GALNT18: variants seen among roughly 807,000 people sequenced by gnomAD.
GALNT18 encodes polypeptide N-acetylgalactosaminyltransferase 18.
GALNT18 carries 44 observed loss-of-function variants against 69.5 expected under a neutral mutation model. The observed-to-expected ratio is 0.63, with a 90% CI of 0.50 to 0.81. The LOEUF (loss-of-function observed/expected upper bound fraction) is 0.81, where lower values mean the gene tolerates loss of function less well. Among genes scored for constraint, GALNT18 ranks in the 40% least tolerant of loss-of-function variants. The pLI is 0.00. For missense variants in GALNT18, 715 were observed against 810.0 expected, an observed-to-expected ratio of 0.88 and a Z score of 1.42; for synonymous variants, 364 against 318.2, an observed-to-expected ratio of 1.14 and a Z score of -1.53.
In GALNT18 at chr11:11,477,521, C is replaced by T. The variant is rs1017184659; in HGVS notation, c.236-28585G>A. On this transcript the variant is annotated intron_variant, in intron 1 of 10. Coordinates refer to ENST00000227756, the MANE Select transcript of GALNT18 (RefSeq NM_198516.3). ...CTCCTGCCCTCCACACCTTTCCTCT[C>T]CCTCCTCCTTTCTAGAATGGTGAGA... Among the ~76,000 whole-genome samples, 4 of 152,208 alleles carry T rather than the reference C, an allele frequency of 2.6e-5. No homozygotes were observed. The East Asian group carries it at 7.7e-4, about 29-fold the overall frequency.
At chr11:11,414,138 CCTAGACAATTATCAT>C in intron 3 of GALNT18, among the ~76,000 whole-genome samples, 1 of 152,312 alleles carries the variant, frequency 6.6e-6, no homozygotes, top group Non-Finnish European at 1.5e-5. Context: ...GCCATTACAG[CCTAGACAATTATCAT>C]GTCTTGCCTG....
At chr11:11,379,319 G>A in intron 3 of GALNT18, 55 bp from the exon 4 acceptor site, 1 of 1,519,316 alleles carries the variant, frequency 6.6e-7, no homozygotes, top group Non-Finnish European at 9.0e-7. Context: ...AGGCAGAGGG[G>A]GCAATCACAA....
chr11:11,517,045 T>A (rs1188898114), intron 1 of GALNT18, among the ~76,000 whole-genome samples: 1 of 152,194 alleles, frequency 6.6e-6, no homozygotes, highest in Non-Finnish European at 1.5e-5. Context: ...GAGAGCTCTC[T>A]TGTCCCTTCA....
chr11:11,531,612 C>A (rs1425462001), intron 1 of GALNT18, among the ~76,000 whole-genome samples: 1 of 152,156 alleles, frequency 6.6e-6, no homozygotes, highest in African/African-American at 2.4e-5. Flanking sequence ...ATTTCTTCCC[C>A]TCCTGCAGTG....
At chr11:11,453,517 T>A (rs960554796) in intron 1 of GALNT18, among the ~76,000 whole-genome samples, 2 of 152,222 alleles carry the variant, frequency 1.3e-5, no homozygotes, top group East Asian at 1.9e-4. Flanking sequence ...TCCAGCCCTC[T>A]CCCCAGTTTT....
rs1222163304 is a variant in GALNT18, at chr11:11,590,467, C to T, written c.235+30892G>A. On this transcript the variant is annotated intron_variant, in intron 1 of 10. Transcript: ENST00000227756. This position sits in a 1 kb window ranked among gnomAD's most constrained non-coding sequence, Gnocchi z 4.4. ...GTTTGGAAGTTGACATTAAAATTAA[C>T]TTTCCTTACTCTACCTATATTAGGC... Among the ~76,000 whole-genome samples the T allele has an allele frequency of 1.3e-5, 2 of 152,208 alleles. No individual in the cohort carries two copies. Among genetic ancestry groups the T allele is most frequent in the South Asian group, 2.1e-4 (1 of 4,826 alleles).
chr11:11,376,154 G>A (rs1025147892), intron 5 of GALNT18, among the ~76,000 whole-genome samples: 10 of 152,020 alleles, frequency 6.6e-5, no homozygotes, highest in African/African-American at 1.9e-4. Context: ...AGGCCGAGGC[G>A]GGTAGATCAC....
chr11:11,612,012 A>C (rs1333435458), intron 1 of GALNT18, among the ~76,000 whole-genome samples: 1 of 152,156 alleles, frequency 6.6e-6, no homozygotes, highest in Non-Finnish European at 1.5e-5. Flanking sequence ...ACCATGTTTG[A>C]TAAGATGATC....
chr11:11,434,315 G>T (rs1321095862), intron 2 of GALNT18, among the ~76,000 whole-genome samples: 1 of 152,150 alleles, frequency 6.6e-6, no homozygotes, highest in Non-Finnish European at 1.5e-5. Context: ...CAAGTTAATA[G>T]ATTGGTGTAG....
intron 9 of GALNT18, among the ~76,000 whole-genome samples, chr11:11,322,039 T>C (rs923481928): frequency 3.9e-5 from 6 of 152,160 alleles, no homozygotes; most frequent in African/African-American, 1.4e-4. Flanking sequence ...TAAAGTGGAG[T>C]AATAATGGTA....
chr11:11,437,734 G>T (rs1855435586), intron 2 of GALNT18, among the ~76,000 whole-genome samples: 1 of 125,080 alleles, frequency 8.0e-6, no homozygotes, highest in Admixed American at 9.9e-5. Flanking sequence ...AGAGTGAATT[G>T]TTCATAGAAG....
At position 11,320,303 on chromosome 11, in the gene GALNT18, G is replaced by C. The variant is rs1849821876; in HGVS notation, c.1512+6783C>G. On this transcript the variant is annotated intron_variant, in intron 9 of 10. Coordinates refer to ENST00000227756, the MANE Select transcript of GALNT18 (RefSeq NM_198516.3). This position sits in a 1 kb window ranked among gnomAD's most constrained non-coding sequence, Gnocchi z 4.9. Reference sequence around the variant, plus strand: ...TGGTCTATATTCCCTAGGCAACAATGTAAAGTGCCACCTCCATCTCCTGCA... The same window carrying C: ...TGGTCTATATTCCCTAGGCAACAATCTAAAGTGCCACCTCCATCTCCTGCA... 1.3e-5 allele frequency among the ~76,000 whole-genome samples: 2 copies of C among 152,202 alleles called. No individual in the cohort carries two copies. The highest frequency in any genetic ancestry group is 1.3e-4 in the Admixed American group (2 of 15,276).
chr11:11,388,420 G>A (rs1854103428), intron 3 of GALNT18, among the ~76,000 whole-genome samples: 1 of 152,228 alleles, frequency 6.6e-6, no homozygotes, highest in Non-Finnish European at 1.5e-5. Context: ...ATGTTTACCT[G>A]ACCAGTTAGG....
In GALNT18 at chr11:11,327,160, C is replaced by T; in HGVS notation, c.1438G>A (p.Asp480Asn). Residue 480 changes from aspartate to asparagine, a missense_variant, in exon 9 of 11, where the codon GAT becomes AAT. Physicochemically the swap from Asp to Asn is conservative, Grantham distance 23. Coordinates refer to ENST00000227756, the MANE Select transcript of GALNT18 (RefSeq NM_198516.3). ...YGVLQNSLKT[D>N]LCLDQGPDTE... The stretch of plus-strand genomic sequence containing the variant: ...TCTGGCCCCTGGTCAAGACACAAAT[C>T]AGTCTTCAGAGAATTCTGCAGCTGA... 6.2e-7 allele frequency: 1 copy of T among 1,613,936 alleles called. No homozygotes were observed.
chr11:11,506,008 G>A (rs748977143), intron 1 of GALNT18, among the ~76,000 whole-genome samples: 1 of 152,152 alleles, frequency 6.6e-6, no homozygotes, highest in Non-Finnish European at 1.5e-5. Context: ...GTATTATTGA[G>A]GTTTCCTGCA....
At chr11:11,569,317 G>A (rs1590106887) in intron 1 of GALNT18, among the ~76,000 whole-genome samples, 1 of 150,802 alleles carries the variant, frequency 6.6e-6, no homozygotes, top group Non-Finnish European at 1.5e-5. Flanking sequence ...CTTTCTACTT[G>A]TGGTTTATCT....
In GALNT18 at chr11:11,341,116, A is replaced by T. The variant is rs1401866371; in HGVS notation, c.1093-112T>A. ...GAAGAAAGTCAGCCCCTTCACCTTG[A>T]CTCCCCAGATCACTCTCTGTGAAGG... is the stretch of plus-strand genomic sequence containing the variant. On this transcript the variant is annotated intron_variant, in intron 6 of 10. Transcript: ENST00000227756. This position sits in a 1 kb window ranked among gnomAD's most constrained non-coding sequence, Gnocchi z 6.3. The T allele has an allele frequency of 4.3e-6, 4 of 923,070 alleles. No individual in the cohort carries two copies. The highest frequency in any genetic ancestry group is 6.5e-6 in the Non-Finnish European group (4 of 616,362). The allele number at this position is 923,070 out of a possible 1,614,324, so 57.2% of individuals were successfully genotyped here.
Position 11,596,289 on chromosome 11 carries a change from T to G in GALNT18, c.235+25070A>C, listed in dbSNP as rs1047186887. On this transcript the variant is annotated intron_variant, in intron 1 of 10. Transcript: ENST00000227756. The surrounding 1 kb of genome is among the most constrained non-coding windows in gnomAD (Gnocchi z 4.2). ...ATCACACTGCCTTAATTACTGTAGC[T>G]TCACAGTACATTTTCAGATCAAAAA... Among the ~76,000 whole-genome samples, 1 of 152,236 alleles carries G rather than the reference T, an allele frequency of 6.6e-6. No homozygotes were observed. Among genetic ancestry groups the G allele is most frequent in the Non-Finnish European group, 1.5e-5 (1 of 68,038 alleles).
intron 1 of GALNT18, among the ~76,000 whole-genome samples, chr11:11,458,878 G>A (rs913503001): frequency 1.3e-5 from 2 of 152,208 alleles, no homozygotes; most frequent in Non-Finnish European, 2.9e-5. Context: ...AAAGCTGGCT[G>A]GTCTGGGAGA....
Sources: gnomAD v4.1 joint callset for allele counts (sites outside exome capture counted in the v4.1 genomes callset) on GRCh38, gnomAD v4.1.1 for gene constraint, Gnocchi (gnomAD v3.1) non-coding constraint, MANE v1.5 for transcripts, NCBI Gene and HGNC (gene_info 2026-07-23, HGNC 2026-07-21) for gene names.